The following FRMPD4 variants were observed in gnomAD, a reference collection of about 807,000 sequenced individuals.
FRMPD4 encodes the protein FERM and PDZ domain containing 4, also known as FERM and PDZ domain-containing protein 4.
A neutral mutation model predicts 94.1 loss-of-function variants in FRMPD4; 22 were observed. The ratio of observed to expected loss-of-function variants is 0.23; its 90% CI spans 0.17 to 0.33. FRMPD4 has a LOEUF of 0.33. FRMPD4 is among the 10% of genes least tolerant of loss of function. The pLI is 1.00. For missense variants in FRMPD4, 1,111 were observed against 1,339.9 expected, an observed-to-expected ratio of 0.83 and a Z score of 2.67; for synonymous variants, 631 against 548.6, an observed-to-expected ratio of 1.15 and a Z score of -2.10.
rs1166072644 is a variant in FRMPD4, at chrX:12,609,792, G to A, written c.230G>A (p.Arg77Gln). 4 of 1,208,787 alleles carry A rather than the reference G, an allele frequency of 3.3e-6. No individual in the cohort carries two copies. The highest frequency in any genetic ancestry group is 2.2e-5 in the Admixed American group (1 of 46,015). The change falls in exon 3 of 17, where the codon CGG (arginine) becomes CAG (glutamine). Residue 77 changes from arginine to glutamine, a missense_variant. Arg to Gln is a conservative substitution (Grantham distance 43). Around this residue, in one of 8 missense-constraint regions of FRMPD4, gnomAD observed 140 missense variants for 165.9 expected, o/e 0.84. Coordinates refer to ENST00000675598, the MANE Select transcript of FRMPD4 (RefSeq NM_001368397.1). ...ESCQIIPPAP[R>Q]KVEMRRDPVL... is the part of the protein sequence containing the mutation. ...TGCCAAATCATCCCTCCGGCTCCTC[G>A]GAAGGTGGAGATGAGAAGGGACCCC...
intron 3 of FRMPD4, among the ~76,000 whole-genome samples, chrX:12,018,805 C>A (rs2054617964): frequency 8.9e-6 from 1 of 111,878 alleles, no homozygotes; most frequent in Admixed American, 9.5e-5. Context: ...TCTGCAAAGA[C>A]CCTATTTTCA....
At chrX:12,011,741 T>C (rs2043974661) in intron 3 of FRMPD4, among the ~76,000 whole-genome samples, 1 of 111,423 alleles carries the variant, frequency 9.0e-6, no homozygotes, top group African/African-American at 3.3e-5. Context: ...GAAGGCAAAA[T>C]AGTGGATTGC....
At chrX:12,202,478 G>A (rs1400810612) in intron 1 of FRMPD4, among the ~76,000 whole-genome samples, 1 of 112,090 alleles carries the variant, frequency 8.9e-6, no homozygotes, top group Non-Finnish European at 1.9e-5. Flanking sequence ...TTATTTGAAG[G>A]TTTAGTTCTA....
chrX:12,382,333 A>T (rs928523279), intron 1 of FRMPD4, among the ~76,000 whole-genome samples: 5 of 111,413 alleles, frequency 4.5e-5, no homozygotes, highest in Admixed American at 9.5e-5. Context: ...CGCCGGGCAG[A>T]GGGGTATGAT....
intron 1 of FRMPD4, among the ~76,000 whole-genome samples, chrX:11,857,180 C>T (rs971930912): frequency 9.0e-6 from 1 of 111,711 alleles, no homozygotes; most frequent in Non-Finnish European, 1.9e-5. Flanking sequence ...CTACCATTAA[C>T]ATTCTTCAGA....
chrX:12,428,157 C>A (rs2056972752), intron 1 of FRMPD4, among the ~76,000 whole-genome samples: 1 of 109,632 alleles, frequency 9.1e-6, no homozygotes, highest in African/African-American at 3.3e-5. Context: ...GTGATCTGCC[C>A]ACCTCGGCCT....
intron 3 of FRMPD4, among the ~76,000 whole-genome samples, chrX:11,945,664 T>C (rs192142688): frequency 9.0e-6 from 1 of 111,566 alleles, no homozygotes; most frequent in African/African-American, 3.3e-5. Flanking sequence ...AGCAGGCATG[T>C]CACATGGAGA....
At chrX:12,116,525 G>A (rs190146945) in intron 3 of FRMPD4, among the ~76,000 whole-genome samples, 1 of 111,663 alleles carries the variant, frequency 9.0e-6, no homozygotes, top group Non-Finnish European at 1.9e-5. Flanking sequence ...TTTGAACTAC[G>A]GGAACTGAAA....
chrX:12,153,218 G>A (rs1232964845), intron 1 of FRMPD4, among the ~76,000 whole-genome samples: 1 of 111,429 alleles, frequency 9.0e-6, no homozygotes, highest in Non-Finnish European at 1.9e-5. Flanking sequence ...TTACAGGCGT[G>A]AGCCACCGCG....
intron 3 of FRMPD4, among the ~76,000 whole-genome samples, chrX:12,119,920 C>A (rs2055440604): frequency 8.9e-6 from 1 of 112,256 alleles, no homozygotes; most frequent in Admixed American, 9.4e-5. Flanking sequence ...GCCTCGAGTT[C>A]TATGGGACTG....
chrX:12,479,573 C>A (rs1028004182), intron 1 of FRMPD4, among the ~76,000 whole-genome samples: 2 of 106,606 alleles, frequency 1.9e-5, no homozygotes, highest in African/African-American at 6.8e-5. Context: ...ACAATCATGG[C>A]TCACTGCAGC....
intron 1 of FRMPD4, among the ~76,000 whole-genome samples, chrX:12,306,493 T>G (rs1242832736): frequency 8.9e-6 from 1 of 112,106 alleles, no homozygotes; most frequent in Admixed American, 9.5e-5. Flanking sequence ...TTTCTTTCTC[T>G]TATTAAACTC....
chrX:12,503,490 A>G (rs986612947), intron 2 of FRMPD4, among the ~76,000 whole-genome samples: 1 of 112,429 alleles, frequency 8.9e-6, no homozygotes, highest in Non-Finnish European at 1.9e-5. Flanking sequence ...TGAGATGTGG[A>G]AACTTCCACT....
chrX:12,690,401 C>T (rs190309557), intron 8 of FRMPD4, 75 bp downstream of exon 8: 1 of 874,015 alleles, frequency 1.1e-6, no homozygotes. Flanking sequence ...ATTTCTCCCC[C>T]ACTCTAATCC....
chrX:12,075,503 A>C (rs1339728751), intron 3 of FRMPD4, among the ~76,000 whole-genome samples: 1 of 112,438 alleles, frequency 8.9e-6, no homozygotes, highest in Non-Finnish European at 1.9e-5. Context: ...AGCAAAGATA[A>C]AATAAATGAA....
chrX:12,266,961 C>T (rs976109791), intron 1 of FRMPD4, among the ~76,000 whole-genome samples: 2 of 112,092 alleles, frequency 1.8e-5, no homozygotes, highest in African/African-American at 6.5e-5. Flanking sequence ...AACATCATAG[C>T]TTAGCCTAGC....
intron 1 of FRMPD4, among the ~76,000 whole-genome samples, chrX:12,486,261 GC>G (rs1364244991): frequency 9.0e-6 from 1 of 111,651 alleles, no homozygotes; most frequent in African/African-American, 3.3e-5. Flanking sequence ...TGCTCCCTGA[GC>G]CAGCAGCTTC....
At chrX:12,606,651 C>T (rs750091805) in intron 2 of FRMPD4, among the ~76,000 whole-genome samples, 10 of 111,432 alleles carry the variant, frequency 9.0e-5, no homozygotes, top group Non-Finnish European at 3.8e-5. Flanking sequence ...CACCTAGCTT[C>T]AGCAAGCTTT....
chrX:11,986,746 A>G (rs2054431817), intron 3 of FRMPD4, among the ~76,000 whole-genome samples: 1 of 111,371 alleles, frequency 9.0e-6, no homozygotes, highest in African/African-American at 3.3e-5. Context: ...TACAACTGAT[A>G]CTGCAGAAAT....
Sources: gnomAD v4.1 joint callset for allele counts (sites outside exome capture counted in the v4.1 genomes callset) on GRCh38, gnomAD v4.1.1 for gene constraint, gnomAD v4.1.1 regional missense constraint, MANE v1.5 for transcripts, NCBI Gene and HGNC (gene_info 2026-07-23, HGNC 2026-07-21) for gene names.